Variants in ERC1 observed in about 807,000 individuals in gnomAD.
The protein encoded by ERC1 is RAB6 interacting protein 2.
A neutral mutation model predicts 132.0 loss-of-function variants in ERC1; 56 were observed. That is an observed-to-expected ratio of 0.42 (90% CI 0.34 to 0.53). ERC1 has a LOEUF of 0.53. Among genes scored for constraint, ERC1 ranks in the 20% least tolerant of loss-of-function variants. The pLI is 0.03. For synonymous variants in ERC1, 478 were observed against 476.1 expected (o/e 1.00, Z -0.05); for missense variants, 1,202 against 1,349.9 (o/e 0.89, Z 1.72).
chr12:1,268,767 A>AAAAG (rs2077632931), intron 14 of ERC1, among the ~76,000 whole-genome samples: 1 of 152,208 alleles, frequency 6.6e-6, no homozygotes, highest in Non-Finnish European at 1.5e-5. Flanking sequence ...CTCCATATAA[A>AAAAG]AAAGAAAGAA....
chr12:1,040,065 T>G (rs914954702), intron 2 of ERC1, among the ~76,000 whole-genome samples: 1 of 152,208 alleles, frequency 6.6e-6, no homozygotes, highest in Non-Finnish European at 1.5e-5. Context: ...CTATTAGATG[T>G]CCCTTATTTT....
chr12:1,031,427 T>A (rs1349972336), intron 2 of ERC1, among the ~76,000 whole-genome samples: 1 of 152,206 alleles, frequency 6.6e-6, no homozygotes, highest in Non-Finnish European at 1.5e-5. Context: ...TAAATCGTTA[T>A]TTTTAATGCC....
intron 3 of ERC1, among the ~76,000 whole-genome samples, chr12:1,095,050 T>G (rs1943835977): frequency 6.6e-6 from 1 of 152,218 alleles, no homozygotes; most frequent in Admixed American, 6.5e-5. Context: ...GTTTTACTTT[T>G]TAGTCACACA....
At chr12:1,467,364 G>A (rs2093764314) in intron 18 of ERC1, among the ~76,000 whole-genome samples, 1 of 152,248 alleles carries the variant, frequency 6.6e-6, no homozygotes, top group African/African-American at 2.4e-5. Flanking sequence ...AGCGTGCCCA[G>A]TGTATCTAGG....
intron 8 of ERC1, among the ~76,000 whole-genome samples, chr12:1,154,611 A>C (rs548273210): frequency 6.6e-6 from 1 of 152,234 alleles, no homozygotes; most frequent in East Asian, 1.9e-4. Flanking sequence ...AAAATAAATA[A>C]TCAAAAGAGT....
intron 2 of ERC1, among the ~76,000 whole-genome samples, chr12:1,081,911 T>TA (rs141171324): frequency 0.031 from 4,758 of 152,280 alleles, 226 homozygotes; most frequent in African/African-American, 0.11. Context: ...TTAAATAACA[T>TA]AAAAAATGTG....
At position 1,070,943 on chromosome 12, in the gene ERC1, A is replaced by G. The variant is rs1206316312; in HGVS notation, c.670-12221A>G. Reference sequence around the variant, plus strand: ...TGTTCTCGAACTTCATTTAAATGGAATCATACAGTCTGTACCCTGTTGTGT... The same window carrying G: ...TGTTCTCGAACTTCATTTAAATGGAGTCATACAGTCTGTACCCTGTTGTGT... On this transcript the variant is annotated intron_variant, in intron 2 of 18. Coordinates refer to ENST00000360905, the MANE Select transcript of ERC1 (RefSeq NM_178040.4). Among the ~76,000 whole-genome samples, 5 of 152,200 alleles carry G rather than the reference A, an allele frequency of 3.3e-5. No homozygotes were observed. In the East Asian group the frequency reaches 9.6e-4, roughly 29 times the overall value.
chr12:1,052,964 A>G (rs1030257536), intron 2 of ERC1, among the ~76,000 whole-genome samples: 2 of 150,894 alleles, frequency 1.3e-5, no homozygotes, highest in Admixed American at 6.6e-5. Context: ...GAGTGAAACT[A>G]TGTCTCGAAA....
intron 13 of ERC1, among the ~76,000 whole-genome samples, chr12:1,260,057 G>T (rs1469931567): frequency 1.3e-5 from 2 of 152,032 alleles, no homozygotes; most frequent in Non-Finnish European, 2.9e-5. Flanking sequence ...CTTTTTTCTG[G>T]ATCCCACATC....
chr12:1,467,559 C>T (rs1262846135), intron 18 of ERC1, among the ~76,000 whole-genome samples: 3 of 152,178 alleles, frequency 2.0e-5, no homozygotes, highest in Admixed American at 6.5e-5. Context: ...CCAACGTTTT[C>T]GGCACCGGGG....
At chr12:1,005,884 A>G (rs1046064037) in intron 1 of ERC1, among the ~76,000 whole-genome samples, 1 of 152,010 alleles carries the variant, frequency 6.6e-6, no homozygotes, top group African/African-American at 2.4e-5. Flanking sequence ...TTTGATTCTT[A>G]ACAGTTTATA....
intron 13 of ERC1, 86 bp downstream of exon 13, chr12:1,236,990 C>G (rs1460138846): frequency 7.4e-6 from 11 of 1,490,358 alleles, no homozygotes; most frequent in Non-Finnish European, 1.0e-5. Flanking sequence ...TCTTTATCCT[C>G]CTCTTTTTTC....
chr12:1,261,625 C>T (rs1800493024), intron 13 of ERC1, among the ~76,000 whole-genome samples: 1 of 152,126 alleles, frequency 6.6e-6, no homozygotes, highest in African/African-American at 2.4e-5. Context: ...CATGGCAAGT[C>T]AACAGAGGGA....
intron 13 of ERC1, chr12:1,244,799 GTGA>G: frequency 1.3e-5 from 3 of 237,222 alleles, no homozygotes; most frequent in East Asian, 1.2e-4. Context: ...GATTACAGGT[GTGA>G]ACCAGCACAC....
chr12:1,177,071 C>G (rs1953815036), intron 8 of ERC1, among the ~76,000 whole-genome samples: 1 of 152,198 alleles, frequency 6.6e-6, no homozygotes, highest in Non-Finnish European at 1.5e-5. Context: ...TAGCTTGAAA[C>G]TTTTCTCCTT....
intron 8 of ERC1, among the ~76,000 whole-genome samples, chr12:1,169,810 C>A (rs939574076): frequency 2.6e-5 from 4 of 152,118 alleles, no homozygotes; most frequent in African/African-American, 9.7e-5. Flanking sequence ...CTCAGTCTTT[C>A]TTTGAAGAAA....
intron 1 of ERC1, among the ~76,000 whole-genome samples, chr12:1,012,172 T>C (rs1964786015): frequency 6.6e-6 from 1 of 152,184 alleles, no homozygotes; most frequent in Non-Finnish European, 1.5e-5. Context: ...AATTACTGGA[T>C]CAAAAGATAT....
intron 8 of ERC1, among the ~76,000 whole-genome samples, chr12:1,179,950 G>A (rs1372762853): frequency 6.6e-6 from 1 of 152,210 alleles, no homozygotes; most frequent in African/African-American, 2.4e-5. Context: ...ATAAGTAAAT[G>A]AATGCATATA....
chr12:1,219,635 C>CTTTTTTTTTTTTTTTT (rs775838825), intron 12 of ERC1, among the ~76,000 whole-genome samples: 2 of 140,740 alleles, frequency 1.4e-5, no homozygotes, highest in African/African-American at 5.4e-5. Flanking sequence ...ACTGAACTCT[C>CTTTTTTTTTTTTTTTT]TTTTTTTTTT....
Sources: allele counts gnomAD v4.1 joint callset (sites outside exome capture counted in the v4.1 genomes callset), GRCh38; gene constraint gnomAD v4.1.1; transcripts MANE v1.5; gene names NCBI Gene and HGNC (gene_info 2026-07-23, HGNC 2026-07-21).